SHISA9: variants seen among roughly 807,000 people sequenced by gnomAD.
SHISA9 encodes the protein shisa family member 9.
Under a neutral mutation model 38.0 loss-of-function variants are expected in SHISA9, and 13 were observed. The ratio of observed to expected loss-of-function variants is 0.34; its 90% confidence interval spans 0.22 to 0.54. SHISA9 has a LOEUF of 0.54. SHISA9 is among the 20% of genes least tolerant of loss of function. The pLI is 0.91. For missense variants in SHISA9, 538 were observed against 575.8 expected, an observed-to-expected ratio of 0.93 and a Z score of 0.67; for synonymous variants, 275 against 242.0, an observed-to-expected ratio of 1.14 and a Z score of -1.27.
chr16:13,419,408 A>C, the SHISA9 span, among the ~76,000 whole-genome samples: 1 of 152,384 alleles, frequency 6.6e-6, no homozygotes, highest in Admixed American at 6.5e-5. Flanking sequence ...TATTTTTGAA[A>C]GACTTTTGGC....
At chr16:13,082,815 T>C (rs2073667706) in intron 2 of SHISA9, among the ~76,000 whole-genome samples, 1 of 152,164 alleles carries the variant, frequency 6.6e-6, no homozygotes, top group African/African-American at 2.4e-5. Context: ...AGCCACTCCT[T>C]AAATAAAATA....
At chr16:12,974,479 GTTTTTTTTT>G (rs58309847) in intron 2 of SHISA9, among the ~76,000 whole-genome samples, 3 of 91,766 alleles carry the variant, frequency 3.3e-5, no homozygotes, top group African/African-American at 8.6e-5. Flanking sequence ...ATTTCTGGTG[GTTTTTTTTT>G]TTTTTTTTTT....
the SHISA9 span, among the ~76,000 whole-genome samples, chr16:13,326,620 C>T: frequency 6.6e-6 from 1 of 152,150 alleles, no homozygotes; most frequent in East Asian, 1.9e-4. Context: ...ACTGGGGAGG[C>T]TGAGGCAGGA....
the SHISA9 span, among the ~76,000 whole-genome samples, chr16:13,463,190 A>G: frequency 0.21 from 31,347 of 151,962 alleles, 3,446 homozygotes; most frequent in African/African-American, 0.26. Flanking sequence ...TGCAGTGTAG[A>G]AAGTTCACTA....
chr16:12,964,213 A>G (rs138267173), intron 2 of SHISA9, among the ~76,000 whole-genome samples: 1 of 152,326 alleles, frequency 6.6e-6, no homozygotes, highest in East Asian at 1.9e-4. Context: ...TCTTGAAGGA[A>G]ACAAGAATGT....
intron 2 of SHISA9, among the ~76,000 whole-genome samples, chr16:12,955,809 A>C (rs924716861): frequency 1.3e-5 from 2 of 152,186 alleles, no homozygotes; most frequent in African/African-American, 4.8e-5. Context: ...AAATCCTAGA[A>C]GAAAACCTAG....
At chr16:13,327,483 T>A in the SHISA9 span, among the ~76,000 whole-genome samples, 9 of 151,904 alleles carry the variant, frequency 5.9e-5, no homozygotes, top group African/African-American at 2.2e-4. Flanking sequence ...GGCTGTGGTG[T>A]TGTGCACCTG....
At chr16:13,529,879 C>G in the SHISA9 span, among the ~76,000 whole-genome samples, 1 of 152,208 alleles carries the variant, frequency 6.6e-6, no homozygotes, top group African/African-American at 2.4e-5. Context: ...CCTGATTGAT[C>G]TGGAGGAAAT....
chr16:13,251,984 T>C, the SHISA9 span, among the ~76,000 whole-genome samples: 5 of 152,166 alleles, frequency 3.3e-5, no homozygotes, highest in African/African-American at 7.2e-5. Flanking sequence ...TAGGGCCAGG[T>C]ACCATGTAGG....
At chr16:12,990,111 C>T (rs963966496) in intron 2 of SHISA9, among the ~76,000 whole-genome samples, 3 of 152,158 alleles carry the variant, frequency 2.0e-5, no homozygotes, top group African/African-American at 7.2e-5. Flanking sequence ...GACGTGATCT[C>T]ATTTCTTTTT....
the SHISA9 span, among the ~76,000 whole-genome samples, chr16:13,544,729 G>A: frequency 6.6e-6 from 1 of 152,022 alleles, no homozygotes; most frequent in Non-Finnish European, 1.5e-5. Flanking sequence ...GATCACTTGA[G>A]GTCAGGAGCT....
chr16:12,964,692 A>G (rs1230127723), intron 2 of SHISA9, among the ~76,000 whole-genome samples: 1 of 152,146 alleles, frequency 6.6e-6, no homozygotes, highest in Non-Finnish European at 1.5e-5. Context: ...TGTAGAGTAC[A>G]GAGGAGCAGA....
intron 2 of SHISA9, among the ~76,000 whole-genome samples, chr16:13,037,750 G>C (rs189533635): frequency 3.9e-5 from 6 of 152,178 alleles, no homozygotes; most frequent in African/African-American, 1.4e-4. Flanking sequence ...ACCTTAGAAC[G>C]TTATAGACAT....
the SHISA9 span, among the ~76,000 whole-genome samples, chr16:13,507,112 G>A: frequency 1.6e-4 from 24 of 151,826 alleles, no homozygotes; most frequent in Admixed American, 1.3e-3. Context: ...CTCATTGATT[G>A]TTTCACACTT....
chr16:13,154,075 A>G (rs150072), intron 2 of SHISA9, among the ~76,000 whole-genome samples: 81,263 of 151,952 alleles, frequency 0.53, 23,219 homozygotes, highest in Non-Finnish European at 0.62. Flanking sequence ...AGAGGCTCAG[A>G]GAAGGGAATT....
intron 2 of SHISA9, among the ~76,000 whole-genome samples, chr16:13,082,733 A>G (rs2073666409): frequency 6.6e-6 from 1 of 152,170 alleles, no homozygotes; most frequent in South Asian, 2.1e-4. Context: ...GATACTGGAA[A>G]GGCAATGAAA....
the SHISA9 span, among the ~76,000 whole-genome samples, chr16:13,478,502 C>G: frequency 1.3e-5 from 2 of 152,094 alleles, no homozygotes; most frequent in Admixed American, 6.5e-5. Flanking sequence ...TAGTTTACCC[C>G]CTAGAAACAC....
At chr16:13,398,165 G>A in the SHISA9 span, among the ~76,000 whole-genome samples, 15 of 152,168 alleles carry the variant, frequency 9.9e-5, no homozygotes, top group African/African-American at 3.1e-4. Flanking sequence ...CAGGATGGGG[G>A]CGTGGTGGCC....
At chr16:13,396,769 A>G in the SHISA9 span, among the ~76,000 whole-genome samples, 1 of 152,090 alleles carries the variant, frequency 6.6e-6, no homozygotes, top group African/African-American at 2.4e-5. Context: ...TCACTTCTTG[A>G]TGTAAACATC....
Sources: gnomAD v4.1 joint callset for allele counts (sites outside exome capture counted in the v4.1 genomes callset) on GRCh38, gnomAD v4.1.1 for gene constraint, MANE v1.5 for transcripts, NCBI Gene and HGNC (gene_info 2026-07-23, HGNC 2026-07-21) for gene names.